Variants in DNAJC13 observed in about 807,000 individuals in gnomAD.
DNAJC13 encodes the protein DnaJ heat shock protein family (Hsp40) member C13.
DNAJC13 carries 75 observed loss-of-function variants against 290.5 expected under a neutral mutation model. The ratio of observed to expected loss-of-function variants is 0.26; its 90% CI spans 0.21 to 0.31. DNAJC13 has a LOEUF of 0.31. Among genes scored for constraint, DNAJC13 ranks in the 10% least tolerant of loss-of-function variants. DNAJC13 has a pLI of 1.00. For missense variants in DNAJC13, 2,260 were observed against 2,674.5 expected, an observed-to-expected ratio of 0.85 and a Z score of 3.42; for synonymous variants, 862 against 892.0, an observed-to-expected ratio of 0.97 and a Z score of 0.60.
At chr3:132,503,430 T>A in intron 41 of DNAJC13, 49 bp downstream of exon 41, 2 of 1,601,720 alleles carry the variant, frequency 1.2e-6, no homozygotes, top group Non-Finnish European at 1.7e-6. Context: ...TGCAAGATCC[T>A]TTAAGCAGTA....
chr3:132,480,345 GA>G, intron 25 of DNAJC13, 23 bp from the exon 26 acceptor site: 1 of 1,558,216 alleles, frequency 6.4e-7, no homozygotes. Flanking sequence ...TTTAGATTAC[GA>G]AAAAAATGTT....
At position 132,488,412 on chromosome 3, in the gene DNAJC13, A is replaced by C. The variant is rs775860113; in HGVS notation, c.3382A>C (p.Ile1128Leu). 1.8e-5 allele frequency: 29 copies of C among 1,613,458 alleles called. No individual in the cohort carries two copies. The South Asian group carries it at 3.2e-4, about 18-fold the overall frequency. Residue 1128 changes from isoleucine to leucine, a missense_variant, in exon 30 of 56, where the codon ATC (isoleucine) becomes CTC (leucine). By Grantham distance (5) the Ile-to-Leu change is conservative (BLOSUM62 2). Transcript: ENST00000260818. ...TTATCTGAGTGGAGTATTTTTCTTT[A>C]TCATGATGTACACAGGTTCCAATGT... ...RLYLSGVFFF[I>L]MMYTGSNVLP...
chr3:132,445,265 C>T (rs1019322151), intron 2 of DNAJC13, among the ~76,000 whole-genome samples: 2 of 151,698 alleles, frequency 1.3e-5, no homozygotes, highest in Admixed American at 6.6e-5. Flanking sequence ...AAAAAAATCT[C>T]GTATTAAAAT....
At chr3:132,537,474 A>G (rs892376803) in intron 55 of DNAJC13, among the ~76,000 whole-genome samples, 6 of 152,246 alleles carry the variant, frequency 3.9e-5, no homozygotes, top group Non-Finnish European at 7.3e-5. Flanking sequence ...CAATGTTTAA[A>G]ATAAACTCTA....
chr3:132,503,814 T>C (rs1372237590), intron 41 of DNAJC13, among the ~76,000 whole-genome samples: 2 of 152,224 alleles, frequency 1.3e-5, no homozygotes, highest in African/African-American at 4.8e-5. Flanking sequence ...TATGTATCTA[T>C]GTACATACAT....
intron 1 of DNAJC13, among the ~76,000 whole-genome samples, chr3:132,421,212 C>G (rs1169763221): frequency 6.6e-6 from 1 of 152,192 alleles, no homozygotes; most frequent in Non-Finnish European, 1.5e-5. Flanking sequence ...TCCTGCATGA[C>G]TCAGTTGGGT....
chr3:132,495,356 T>C (rs1441261140), intron 35 of DNAJC13, among the ~76,000 whole-genome samples, 190 bp downstream of exon 35: 1 of 152,088 alleles, frequency 6.6e-6, no homozygotes, highest in African/African-American at 2.4e-5. Flanking sequence ...ACCAGACGAG[T>C]GGCCTTTATG....
intron 55 of DNAJC13, among the ~76,000 whole-genome samples, chr3:132,531,996 A>AT (rs1476082691): frequency 6.6e-6 from 1 of 152,192 alleles, no homozygotes; most frequent in Admixed American, 6.5e-5. Flanking sequence ...TAGAATAGTC[A>AT]TTTTCATATA....
At position 132,434,452 on chromosome 3, in the gene DNAJC13, C is replaced by G. The variant is rs1231953946; in HGVS notation, c.-13-86C>G. The G allele has an allele frequency of 6.6e-6, 6 of 907,606 alleles. No individual in the cohort carries two copies. The African/African-American group carries it at 6.8e-5, about 10-fold the overall frequency. The allele number at this position is 907,606 out of a possible 1,614,324, so 56.2% of individuals were successfully genotyped here. A position where few individuals can be genotyped will look rare whatever the true frequency, so the allele number is the denominator to read the frequency against. ...ACGGCAGGCTGTGAAAGTGAGAGAG[C>G]GATCTTGCTACCTTTCTTAGGGGAA... is the stretch of plus-strand genomic sequence containing the variant. On this transcript the variant is annotated intron_variant, in intron 1 of 55. Coordinates refer to ENST00000260818, the MANE Select transcript of DNAJC13 (RefSeq NM_015268.4).
intron 43 of DNAJC13, 26 bp from the exon 44 acceptor site, chr3:132,511,041 T>C: frequency 1.2e-6 from 2 of 1,607,878 alleles, no homozygotes. Context: ...ACCCATGTTG[T>C]TTAAATACTT....
In DNAJC13 at chr3:132,484,573, G is replaced by T. The variant is rs751024133; in HGVS notation, c.3183-15G>T. The T allele has an allele frequency of 5.0e-6, 8 of 1,612,144 alleles. No individual in the cohort carries two copies. The highest frequency in any genetic ancestry group is 6.8e-6 in the Non-Finnish European group (8 of 1,178,310). ...ACAAATATATTAAATGTTGACGTGA[G>T]AAAATGTTTTCTAGGGATCAAGACA... On this transcript the variant is annotated splice_polypyrimidine_tract_variant and intron_variant, in intron 28 of 55. Transcript: ENST00000260818.
At chr3:132,439,361 AT>A (rs764089878) in intron 2 of DNAJC13, among the ~76,000 whole-genome samples, 5 of 152,018 alleles carry the variant, frequency 3.3e-5, no homozygotes, top group Admixed American at 6.5e-5. Flanking sequence ...GAGAAAAGAT[AT>A]CTTTTTCTTT....
chr3:132,506,420 C>G lies in DNAJC13; in HGVS notation c.4999-817C>G, dbSNP rs149995447. Among the ~76,000 whole-genome samples, 553 of 150,604 alleles carry G rather than the reference C, an allele frequency of 3.7e-3. 8 individuals are homozygous for G. The highest frequency in any genetic ancestry group is 0.013 in the African/African-American group (515 of 41,018). ...TTTGTTTAGCATTTTATAATTTATT[C>G]TATACTTTTACATGTTATTTTAGTC... On this transcript the variant is annotated intron_variant, in intron 42 of 55. Coordinates refer to ENST00000260818, the MANE Select transcript of DNAJC13 (RefSeq NM_015268.4).
chr3:132,421,301 C>A (rs965762211), intron 1 of DNAJC13, among the ~76,000 whole-genome samples: 2 of 152,158 alleles, frequency 1.3e-5, no homozygotes, highest in Non-Finnish European at 2.9e-5. Context: ...TCAAATTGTT[C>A]AGTAATACAC....
At chr3:132,467,129 T>TG (rs1934022707) in intron 19 of DNAJC13, 41 bp from the exon 20 acceptor site, 11 of 1,579,382 alleles carry the variant, frequency 7.0e-6, no homozygotes, top group African/African-American at 6.8e-5. Flanking sequence ...TAAAATAAAT[T>TG]TGCAAACAGG....
chr3:132,517,499 T>C (rs1249236662), intron 48 of DNAJC13, among the ~76,000 whole-genome samples: 1 of 152,126 alleles, frequency 6.6e-6, no homozygotes, highest in African/African-American at 2.4e-5. Flanking sequence ...CCCTTAGTCA[T>C]AGGGAGAACA....
intron 28 of DNAJC13, among the ~76,000 whole-genome samples, chr3:132,484,176 A>G (rs1053213612): frequency 2.6e-5 from 4 of 152,264 alleles, no homozygotes; most frequent in Non-Finnish European, 4.4e-5. Flanking sequence ...TACAGTTAGT[A>G]TTTAGAAATA....
intron 2 of DNAJC13, among the ~76,000 whole-genome samples, chr3:132,439,805 T>C (rs1932993237): frequency 2.0e-5 from 3 of 152,218 alleles, no homozygotes; most frequent in Admixed American, 2.0e-4. Flanking sequence ...TTTCTTCTTT[T>C]TCTTTTCTGA....
intron 14 of DNAJC13, among the ~76,000 whole-genome samples, chr3:132,460,609 T>C (rs1392829596): frequency 1.3e-5 from 2 of 152,158 alleles, no homozygotes; most frequent in Non-Finnish European, 2.9e-5. Context: ...TTTTTCTTTC[T>C]TTAAAAATAT....
Sources: gnomAD v4.1 joint callset for allele counts (sites outside exome capture counted in the v4.1 genomes callset) on GRCh38, gnomAD v4.1.1 for gene constraint, MANE v1.5 for transcripts, NCBI Gene and HGNC (gene_info 2026-07-23, HGNC 2026-07-21) for gene names.